Variants in MKRN1 observed in about 807,000 individuals in gnomAD.
MKRN1 encodes the protein E3 ubiquitin-protein ligase makorin-1.
MKRN1 carries 9 observed loss-of-function variants against 55.5 expected under a neutral mutation model. The observed-to-expected ratio is 0.16, with a 90% CI of 0.10 to 0.28. MKRN1 has a LOEUF of 0.28. MKRN1 is among the 10% of genes least tolerant of loss of function. The pLI is 1.00. For synonymous variants in MKRN1, 253 were observed against 235.9 expected (o/e 1.07, Z -0.66); for missense variants, 488 against 626.7 (o/e 0.78, Z 2.36).
intron 7 of MKRN1, 97 bp downstream of exon 7, chr7:140,454,998 C>A (rs544739706): frequency 6.6e-7 from 1 of 1,505,310 alleles, no homozygotes; most frequent in Admixed American, 1.9e-5. Context: ...CGCTCCCAGA[C>A]CTGAGCGTTA....
intron 2 of MKRN1, among the ~76,000 whole-genome samples, chr7:140,466,571 G>A (rs1434252472): frequency 3.3e-5 from 5 of 152,132 alleles, no homozygotes; most frequent in African/African-American, 9.6e-5. Flanking sequence ...TTGGGAGGCC[G>A]AGGCGGGTGG....
intron 5 of MKRN1, 150 bp downstream of exon 5, chr7:140,456,502 A>C: frequency 1.4e-6 from 2 of 1,446,300 alleles, no homozygotes; most frequent in Non-Finnish European, 1.8e-6. Context: ...AGCTAGCTGA[A>C]ATACAAAGAA....
intron 1 of MKRN1, among the ~76,000 whole-genome samples, chr7:140,476,986 A>G (rs1318659560): frequency 1.3e-5 from 2 of 151,698 alleles, no homozygotes; most frequent in Non-Finnish European, 2.9e-5. Context: ...AGGCATCTGT[A>G]ATGCCAGAGA....
intron 1 of MKRN1, among the ~76,000 whole-genome samples, chr7:140,474,750 ACT>A (rs748616686): frequency 5.4e-4 from 79 of 145,806 alleles, no homozygotes; most frequent in Non-Finnish European, 8.2e-4. Context: ...ACGAAATCTC[ACT>A]CTGTCACCCA....
Position 140,454,288 on chromosome 7 carries a change from C to CA in MKRN1, c.*228dup. 1 of 560,282 alleles carries CA rather than the reference C, an allele frequency of 1.8e-6. No individual in the cohort carries two copies. Among genetic ancestry groups the CA allele is most frequent in the East Asian group, 3.1e-5 (1 of 32,714 alleles). 34.7% of individuals were successfully genotyped at this position (560,282 alleles called of 1,614,324 possible). Reference sequence around the variant, plus strand: ...CTGTCTGACAGTTAAATTCGTGTTACAAAAAACTAACTTTAAGATTTATTT... The same window carrying CA: ...CTGTCTGACAGTTAAATTCGTGTTACAAAAAAACTAACTTTAAGATTTATTT... On this transcript the variant is annotated 3_prime_UTR_variant, in exon 8 of 8. Transcript: ENST00000255977.
chr7:140,465,843 A>T (rs1585479943), intron 2 of MKRN1, among the ~76,000 whole-genome samples: 1 of 152,128 alleles, frequency 6.6e-6, no homozygotes, highest in East Asian at 1.9e-4. Context: ...GCCCTTTGGG[A>T]GGCCGAGGTG....
intron 2 of MKRN1, among the ~76,000 whole-genome samples, chr7:140,464,755 CAA>C (rs199775052): frequency 0.16 from 23,442 of 144,396 alleles, 2,085 homozygotes; most frequent in African/African-American, 0.25. Flanking sequence ...AGATAATTTC[CAA>C]AAAAAAAAAA....
chr7:140,461,796 C>A lies in MKRN1; in HGVS notation c.315-1860G>T, dbSNP rs867252400. Among the ~76,000 whole-genome samples the A allele has an allele frequency of 3.3e-5, 5 of 151,932 alleles. No individual in the cohort carries two copies. In the East Asian group the frequency reaches 9.6e-4, roughly 29 times the overall value. ...GTTGGGAGTTCGAGACCAGCCTGACCACCATGGAGAAACCCCGTCTCTACT... is the reference window on the plus strand; with the variant it reads ...GTTGGGAGTTCGAGACCAGCCTGACAACCATGGAGAAACCCCGTCTCTACT... On this transcript the variant is annotated intron_variant, in intron 2 of 7. Transcript: ENST00000255977.
In MKRN1 at chr7:140,456,779, C is replaced by T. The variant is rs763250772; in HGVS notation, c.859G>A (p.Val287Met). The change falls in exon 5 of 8, where the codon GTG becomes ATG. Residue 287 changes from valine to methionine, a missense_variant. Coordinates refer to ENST00000255977, the MANE Select transcript of MKRN1 (RefSeq NM_013446.4). ...CTGGGGTTGGCTTTCTCATAGACCA[C>T]CTCCATGCAGATCCCACACACCATG... ...KDMVCGICME[V>M]VYEKANPSER... 1.2e-6 allele frequency: 2 copies of T among 1,614,034 alleles called. No homozygotes were observed. The highest frequency in any genetic ancestry group is 1.7e-5 in the Admixed American group (1 of 59,994).
chr7:140,466,421 T>C (rs972186752), intron 2 of MKRN1, among the ~76,000 whole-genome samples: 5 of 152,070 alleles, frequency 3.3e-5, no homozygotes, highest in Admixed American at 3.3e-4. Flanking sequence ...TCCCAGCATA[T>C]TGGGAGGCAA....
chr7:140,471,388 T>C (rs1794920339), intron 2 of MKRN1, among the ~76,000 whole-genome samples: 1 of 151,916 alleles, frequency 6.6e-6, no homozygotes, highest in Admixed American at 6.6e-5. Context: ...AAAAAATAAA[T>C]AAAAAATAAA....
At chr7:140,464,162 C>T (rs1170030957) in intron 2 of MKRN1, among the ~76,000 whole-genome samples, 1 of 152,004 alleles carries the variant, frequency 6.6e-6, no homozygotes, top group Non-Finnish European at 1.5e-5. Context: ...TCAAGCAATT[C>T]ACTGGCCTCA....
At chr7:140,478,040 G>A (rs1795176898) in intron 1 of MKRN1, 1 of 152,208 alleles carries the variant, frequency 6.6e-6, no homozygotes, top group Non-Finnish European at 1.5e-5. Context: ...GACCTTCGAA[G>A]GTCGCCAGGA....
chr7:140,459,160 G>A lies in MKRN1; in HGVS notation c.618C>T (p.Ala206=), dbSNP rs61736379. 1.3e-3 allele frequency: 2,029 copies of A among 1,613,924 alleles called. 20 individuals carry two copies. The African/African-American group carries it at 0.022, about 17-fold the overall frequency. Residue 206 remains alanine (A), a synonymous_variant, in exon 4 of 8, where the codon GCC becomes GCT. Transcript: ENST00000255977. ...GGCACAGCTGCTTCTTTGTCTCCAC[G>A]GCGGTTTGCTCTTTCTCTGATTCTT... ...TKEESEKEQT[A]VETKKQLCPY...
chr7:140,473,341 T>C (rs1476001160), intron 1 of MKRN1: 4 of 409,242 alleles, frequency 9.8e-6, no homozygotes, highest in Non-Finnish European at 1.9e-5. Flanking sequence ...CACTGTGCAG[T>C]AAAAGACAAA....
At chr7:140,463,585 T>C (rs1327765509) in intron 2 of MKRN1, among the ~76,000 whole-genome samples, 1 of 152,102 alleles carries the variant, frequency 6.6e-6, no homozygotes, top group Non-Finnish European at 1.5e-5. Context: ...GCAGCAAGTA[T>C]CCTTAGAAAT....
chr7:140,469,590 C>T (rs1384871224), intron 2 of MKRN1, among the ~76,000 whole-genome samples: 1 of 152,004 alleles, frequency 6.6e-6, no homozygotes, highest in Non-Finnish European at 1.5e-5. Flanking sequence ...AGCTGCCAAG[C>T]TGCAAGGATA....
At chr7:140,474,741 C>T (rs932523688) in intron 1 of MKRN1, among the ~76,000 whole-genome samples, 4 of 143,936 alleles carry the variant, frequency 2.8e-5, no homozygotes, top group African/African-American at 7.8e-5. Flanking sequence ...TTTTTTGAGA[C>T]GAAATCTCAC....
chr7:140,460,038 TG>T lies in MKRN1; in HGVS notation c.315-103del, dbSNP rs1023955546. Reference sequence around the variant, plus strand: ...GAGGTGGGTGGATCACCAGAGAGGTTGGGAGTTCGAGACCAGCCTGGCCAAT... The same window carrying T: ...GAGGTGGGTGGATCACCAGAGAGGTTGGAGTTCGAGACCAGCCTGGCCAAT... On this transcript the variant is annotated intron_variant, in intron 2 of 7. Coordinates refer to ENST00000255977, the MANE Select transcript of MKRN1 (RefSeq NM_013446.4). The T allele has an allele frequency of 1.6e-5, 16 of 1,029,526 alleles. No homozygotes were observed. The African/African-American group carries it at 2.6e-4, about 17-fold the overall frequency. 63.8% of individuals were successfully genotyped at this position (1,029,526 alleles called of 1,614,324 possible). A position where few individuals can be genotyped will look rare whatever the true frequency, so the allele number is the denominator to read the frequency against.
Sources: allele counts gnomAD v4.1 joint callset (sites outside exome capture counted in the v4.1 genomes callset), GRCh38; gene constraint gnomAD v4.1.1; transcripts MANE v1.5; gene names NCBI Gene and HGNC (gene_info 2026-07-23, HGNC 2026-07-21).